LRP1B: variants seen among roughly 807,000 people sequenced by gnomAD.
LRP1B encodes the protein low-density lipoprotein receptor-related protein 1B.
Under a neutral mutation model 556.6 loss-of-function variants are expected in LRP1B, and 217 were observed. The ratio of observed to expected loss-of-function variants is 0.39; its 90% confidence interval spans 0.35 to 0.44. The LOEUF (loss-of-function observed/expected upper bound fraction) is 0.44, where lower values mean the gene tolerates loss of function less well. LRP1B is among the 20% of genes least tolerant of loss of function. LRP1B has a pLI of 1.00. For missense variants in LRP1B, 5,053 were observed against 5,620.8 expected (o/e 0.90, Z 3.23); for synonymous variants, 2,047 against 1,865.8 (o/e 1.10, Z -2.50).
intron 2 of LRP1B, among the ~76,000 whole-genome samples, chr2:141,760,123 C>A (rs1574330259): frequency 6.7e-6 from 1 of 148,898 alleles, no homozygotes; most frequent in Non-Finnish European, 1.5e-5. Flanking sequence ...TTCTACTTTT[C>A]AGAATTGTTT....
At chr2:141,739,806 T>A (rs1375094755) in intron 2 of LRP1B, among the ~76,000 whole-genome samples, 1 of 152,086 alleles carries the variant, frequency 6.6e-6, no homozygotes, top group African/African-American at 2.4e-5. Flanking sequence ...TCCATATTGT[T>A]CACCCTGAAA....
intron 2 of LRP1B, among the ~76,000 whole-genome samples, chr2:141,605,098 T>C (rs1318000532): frequency 6.6e-6 from 1 of 151,662 alleles, no homozygotes; most frequent in African/African-American, 2.4e-5. Context: ...CCAAGAAAAA[T>C]CCTGCGTCAC....
At chr2:141,314,141 A>C (rs1306646669) in intron 3 of LRP1B, among the ~76,000 whole-genome samples, 1 of 152,150 alleles carries the variant, frequency 6.6e-6, no homozygotes, top group African/African-American at 2.4e-5. Flanking sequence ...TTCTGTATCG[A>C]CATTCCAAAT....
At chr2:140,525,799 A>C in intron 49 of LRP1B, 45 bp downstream of exon 49, 1 of 1,584,614 alleles carries the variant, frequency 6.3e-7, no homozygotes, top group South Asian at 1.2e-5. Flanking sequence ...GGTAGCCTCA[A>C]AATCTCCAAG....
At chr2:141,982,310 G>A (rs1035475626) in intron 1 of LRP1B, among the ~76,000 whole-genome samples, 3 of 152,124 alleles carry the variant, frequency 2.0e-5, no homozygotes, top group African/African-American at 7.2e-5. Flanking sequence ...AGTATTTTTA[G>A]TTGCCAAAGA....
At chr2:141,407,648 T>A (rs1371509197) in intron 3 of LRP1B, among the ~76,000 whole-genome samples, 1 of 152,164 alleles carries the variant, frequency 6.6e-6, no homozygotes, top group Non-Finnish European at 1.5e-5. Context: ...TTTCACCATG[T>A]GGCATGCTTG....
chr2:141,049,232 A>G lies in LRP1B; in HGVS notation c.1553-10T>C. 1 of 1,549,280 alleles carries G rather than the reference A, an allele frequency of 6.5e-7. No homozygotes were observed. ...AACTCATTCTTTGGTCCTGCAGAGG[A>G]AAGATTACAAACACAAACAACTGAT... On this transcript the variant is annotated splice_polypyrimidine_tract_variant and intron_variant, in intron 10 of 90. Transcript: ENST00000389484.
intron 13 of LRP1B, among the ~76,000 whole-genome samples, chr2:141,014,023 A>G (rs1409555618): frequency 6.6e-6 from 1 of 152,038 alleles, no homozygotes; most frequent in Non-Finnish European, 1.5e-5. Flanking sequence ...TATGGCACGA[A>G]AAATACGGTT....
rs1396508579 is a variant in LRP1B, at chr2:141,013,571, G to A, written c.2365C>T (p.Pro789Ser). 1.2e-6 allele frequency: 2 copies of A among 1,607,100 alleles called. No individual in the cohort carries two copies. Among genetic ancestry groups the A allele is most frequent in the Non-Finnish European group, 1.7e-6 (2 of 1,177,230 alleles). ...TTTTTAATACCTTGTTGCTTTCGTGGATCATAAATCTGAAGCCCAAATAGG... is the reference window on the plus strand; with the variant it reads ...TTTTTAATACCTTGTTGCTTTCGTGAATCATAAATCTGAAGCCCAAATAGG... ...PPLFGLQIYD[P>S]RKQQGDNMCR... The change falls in exon 14 of 91, where the codon CCA becomes TCA. Residue 789 changes from proline to serine, a missense_variant. This residue lies in a region of LRP1B where 3,619 missense variants were observed against 3,931.9 expected (regional missense o/e 0.92). Transcript: ENST00000389484.
At position 141,413,129 on chromosome 2, in the gene LRP1B, A is replaced by C. The variant is rs1441627128; in HGVS notation, c.343+67267T>G. 7.9e-5 allele frequency among the ~76,000 whole-genome samples: 12 copies of C among 152,286 alleles called. No homozygotes were observed. In the South Asian group the frequency reaches 2.3e-3, roughly 29 times the overall value. On this transcript the variant is annotated intron_variant, in intron 3 of 90. Transcript: ENST00000389484. ...ATAGGACTAGCTACTTGGGAGGCTG[A>C]GACCGGAGGATTGCTTGAGCCCGGG...
chr2:140,290,683 C>T (rs1026634426), intron 84 of LRP1B, among the ~76,000 whole-genome samples: 2 of 152,064 alleles, frequency 1.3e-5, no homozygotes, highest in Non-Finnish European at 2.9e-5. Context: ...TCGCTTTTAG[C>T]TGGGCCTGCC....
chr2:140,466,587 T>C (rs897926925), intron 60 of LRP1B, among the ~76,000 whole-genome samples: 1 of 152,158 alleles, frequency 6.6e-6, no homozygotes, highest in African/African-American at 2.4e-5. Flanking sequence ...AAGAGTTCAG[T>C]GGTAAACTAT....
intron 2 of LRP1B, among the ~76,000 whole-genome samples, chr2:141,737,762 G>T (rs768485563): frequency 5.3e-5 from 8 of 152,086 alleles, no homozygotes; most frequent in Non-Finnish European, 1.0e-4. Flanking sequence ...TGCAAGTGTT[G>T]CTCCAGTTAT....
At chr2:140,876,735 T>C (rs1259007695) in intron 25 of LRP1B, among the ~76,000 whole-genome samples, 2 of 152,172 alleles carry the variant, frequency 1.3e-5, no homozygotes, top group Non-Finnish European at 2.9e-5. Flanking sequence ...AACTTTAAAA[T>C]AGTCTTATCT....
intron 3 of LRP1B, among the ~76,000 whole-genome samples, chr2:141,413,061 T>C (rs762192894): frequency 1.9e-4 from 29 of 152,174 alleles, no homozygotes; most frequent in Non-Finnish European, 3.8e-4. Flanking sequence ...ACCCCATCTC[T>C]ACAAAAATGT....
At chr2:142,097,942 C>G (rs946825937) in intron 1 of LRP1B, among the ~76,000 whole-genome samples, 7 of 151,608 alleles carry the variant, frequency 4.6e-5, no homozygotes, top group African/African-American at 1.5e-4. Context: ...CACATGATGT[C>G]ACTTTTGCTT....
intron 1 of LRP1B, among the ~76,000 whole-genome samples, chr2:142,018,115 T>A (rs1703211566): frequency 6.6e-6 from 1 of 152,228 alleles, no homozygotes; most frequent in African/African-American, 2.4e-5. Context: ...ATAGTTAATG[T>A]CCTTTATGTG....
chr2:140,781,500 T>C (rs932931932), intron 32 of LRP1B, among the ~76,000 whole-genome samples: 1 of 152,188 alleles, frequency 6.6e-6, no homozygotes, highest in African/African-American at 2.4e-5. Flanking sequence ...TCAATTAATA[T>C]TGACATCTAT....
chr2:140,395,636 T>C (rs768874941), intron 66 of LRP1B, among the ~76,000 whole-genome samples: 17 of 152,336 alleles, frequency 1.1e-4, no homozygotes, highest in Admixed American at 2.6e-4. Context: ...TTTTATGTTA[T>C]TCTTCCAGAT....
Sources: allele counts gnomAD v4.1 joint callset (sites outside exome capture counted in the v4.1 genomes callset), GRCh38; gene constraint gnomAD v4.1.1; regional missense constraint gnomAD v4.1.1; transcripts MANE v1.5; gene names NCBI Gene and HGNC (gene_info 2026-07-23, HGNC 2026-07-21).